AQP9: variants seen among roughly 807,000 people sequenced by gnomAD.
AQP9 encodes aquaporin-9.
In AQP9, 19 loss-of-function variants were observed where a neutral mutation model predicts 23.8. The observed-to-expected ratio is 0.80, with a 90% CI of 0.56 to 1.17. The LOEUF is 1.17. Among genes scored for constraint, AQP9 ranks in the 50% most tolerant of loss-of-function variants. The pLI, the probability that AQP9 is intolerant of heterozygous loss-of-function variation, is 0.00. For synonymous variants in AQP9, 153 were observed against 131.5 expected (o/e 1.16, Z -1.12); for missense variants, 413 against 362.0 (o/e 1.14, Z -1.14).
intron 4 of AQP9, among the ~76,000 whole-genome samples, chr15:58,177,648 C>T (rs922013501): frequency 6.6e-6 from 1 of 152,184 alleles, no homozygotes; most frequent in Admixed American, 6.5e-5. Context: ...TTGTTTTACT[C>T]GAGTTTTCTT....
intron 5 of AQP9, among the ~76,000 whole-genome samples, chr15:58,183,444 G>C (rs1399354166): frequency 6.6e-6 from 1 of 152,176 alleles, no homozygotes; most frequent in Admixed American, 6.6e-5. Flanking sequence ...TAAAAAATAA[G>C]TACTGATTTA....
chr15:58,141,529 T>C (rs1227756011), intron 1 of AQP9, among the ~76,000 whole-genome samples: 3 of 152,136 alleles, frequency 2.0e-5, no homozygotes, highest in Admixed American at 1.3e-4. Flanking sequence ...TTCAGTGCCC[T>C]GAAGGAAATA....
intron 4 of AQP9, among the ~76,000 whole-genome samples, chr15:58,177,029 T>G (rs1898774591): frequency 6.6e-6 from 1 of 152,164 alleles, no homozygotes; most frequent in Non-Finnish European, 1.5e-5. Flanking sequence ...TAGAAAACCC[T>G]GAGGCTGTAA....
chr15:58,151,630 C>G (rs1898151908), intron 1 of AQP9: 1 of 151,958 alleles, frequency 6.6e-6, no homozygotes, highest in Non-Finnish European at 1.5e-5. Context: ...TCACACTTAC[C>G]CATACTCAAA....
chr15:58,149,991 C>G (rs1479283149), intron 1 of AQP9, among the ~76,000 whole-genome samples: 1 of 152,206 alleles, frequency 6.6e-6, no homozygotes, highest in Admixed American at 6.5e-5. Flanking sequence ...TGTGTTATCA[C>G]CATGGTATCT....
chr15:58,171,670 T>G (rs7181378), intron 2 of AQP9, among the ~76,000 whole-genome samples: 23,432 of 152,192 alleles, frequency 0.15, 1,859 homozygotes, highest in Non-Finnish European at 0.17. Flanking sequence ...AGCCACTGAG[T>G]GGCAGGGGCA....
At chr15:58,166,059 G>A (rs372259443) in intron 1 of AQP9, among the ~76,000 whole-genome samples, 1 of 152,100 alleles carries the variant, frequency 6.6e-6, no homozygotes, top group African/African-American at 2.4e-5. Flanking sequence ...CCCCTTTATT[G>A]GATGTGTGTA....
intron 1 of AQP9, among the ~76,000 whole-genome samples, chr15:58,144,527 T>C (rs1898006307): frequency 6.6e-6 from 1 of 152,214 alleles, no homozygotes; most frequent in African/African-American, 2.4e-5. Context: ...TTGAGAACAT[T>C]GTTTGTTGTT....
At chr15:58,138,259 A>G (rs3959686), upstream of AQP9, 11,337 of 188,720 alleles carry the variant, frequency 0.06, 564 homozygotes, top group Admixed American at 0.15. Flanking sequence ...ACCAACAGAG[A>G]AAAAAGTACC....
At chr15:58,165,446 A>G (rs1214574273) in intron 1 of AQP9, among the ~76,000 whole-genome samples, 1 of 152,194 alleles carries the variant, frequency 6.6e-6, no homozygotes, top group Admixed American at 6.5e-5. Context: ...TCTCTGTCCC[A>G]GTCATGTGCT....
chr15:58,165,874 G>C (rs1051826014), intron 1 of AQP9, among the ~76,000 whole-genome samples: 2 of 152,190 alleles, frequency 1.3e-5, no homozygotes, highest in African/African-American at 4.8e-5. Context: ...GTGCCAGAGG[G>C]AATACAAGAA....
chr15:58,148,958 A>G (rs1412215138), intron 1 of AQP9, among the ~76,000 whole-genome samples: 1 of 152,078 alleles, frequency 6.6e-6, no homozygotes, highest in Non-Finnish European at 1.5e-5. Flanking sequence ...TTCTTGGGTG[A>G]TTGACCTCTT....
rs754593668 is a variant in AQP9 at position 58,179,273 on chromosome 15, C to G, written c.641C>G (p.Ala214Gly). ...ASSLGLNSGC[A>G]MNPARDLSPR... ...TCCCTGGGACTGAACAGTGGCTGTG[C>G]CATGAACCCAGCTCGAGACCTGAGT... Residue 214 changes from alanine (A) to glycine (G), a missense_variant, in exon 5 of 6, where the codon GCC becomes GGC. By Grantham distance (60) the Ala-to-Gly change is moderately conservative. Transcript: ENST00000219919. 4.3e-6 allele frequency: 7 copies of G among 1,614,134 alleles called. No individual in the cohort carries two copies. The South Asian group carries it at 7.7e-5, about 18-fold the overall frequency.
chr15:58,166,902 A>C (rs1317105631), intron 2 of AQP9, 103 bp downstream of exon 2: 33 of 1,412,560 alleles, frequency 2.3e-5, no homozygotes, highest in Non-Finnish European at 3.0e-5. Context: ...TATCTCAAAA[A>C]TCCTGCAAGA....
In AQP9 at chr15:58,144,985, GC is replaced by G. The variant is rs575648470; in HGVS notation, c.111+6311del. The stretch of plus-strand genomic sequence containing the variant: ...GCTGAGATTGCGCCACTGCACTCTG[GC>G]CTGGGCGATGAAGTGAGACTCCATC... On this transcript the variant is annotated intron_variant, in intron 1 of 5. Coordinates refer to ENST00000219919, the MANE Select transcript of AQP9 (RefSeq NM_020980.5). Among the ~76,000 whole-genome samples, 47 of 142,044 alleles carry G rather than the reference GC, an allele frequency of 3.3e-4. No individual in the cohort carries two copies. The South Asian group carries it at 0.01, about 30-fold the overall frequency. The allele number at this position is 142,044 out of a possible 152,430, so 93.2% of individuals were successfully genotyped here. A position where few individuals can be genotyped will look rare whatever the true frequency, so the allele number is the denominator to read the frequency against.
intron 1 of AQP9, among the ~76,000 whole-genome samples, chr15:58,143,048 C>T (rs533209927): frequency 3.0e-4 from 46 of 152,322 alleles, no homozygotes; most frequent in South Asian, 2.3e-3. Context: ...AGAACAGACA[C>T]CCACAGTCTT....
rs537356703 is a variant in AQP9, at chr15:58,141,162, G to T, written c.111+2486G>T. Among the ~76,000 whole-genome samples, 4 of 152,290 alleles carry T rather than the reference G, an allele frequency of 2.6e-5. No homozygotes were observed. In the East Asian group the frequency reaches 7.7e-4, roughly 29 times the overall value. ...AAAAGGCTGATCTCTTCCTTGGGCT[G>T]AACTTCAGAGAATCTCTAGTCATGT... On this transcript the variant is annotated intron_variant, in intron 1 of 5. Coordinates refer to ENST00000219919, the MANE Select transcript of AQP9 (RefSeq NM_020980.5).
At chr15:58,163,189 A>G (rs1898418572) in intron 1 of AQP9, among the ~76,000 whole-genome samples, 1 of 152,230 alleles carries the variant, frequency 6.6e-6, no homozygotes, top group Admixed American at 6.5e-5. Context: ...GACACAGTGA[A>G]GGCTAGATCT....
At chr15:58,183,855 G>A (rs1898947255) in intron 5 of AQP9, 106 bp from the exon 6 acceptor site, 2 of 1,322,100 alleles carry the variant, frequency 1.5e-6, no homozygotes, top group South Asian at 1.3e-5. Context: ...GCTGAGTTAA[G>A]AGGGAACCAT....
Sources: allele counts gnomAD v4.1 joint callset (sites outside exome capture counted in the v4.1 genomes callset), GRCh38; gene constraint gnomAD v4.1.1; transcripts MANE v1.5; gene names NCBI Gene and HGNC (gene_info 2026-07-23, HGNC 2026-07-21).